The following DIAPH3 variants were observed in gnomAD, a reference collection of about 807,000 sequenced individuals.
The protein encoded by DIAPH3 is protein diaphanous homolog 3.
A neutral mutation model predicts 144.3 loss-of-function variants in DIAPH3; 117 were observed. The ratio of observed to expected loss-of-function variants is 0.81; its 90% CI spans 0.70 to 0.95. The LOEUF (loss-of-function observed/expected upper bound fraction) is 0.95. Among genes scored for constraint, DIAPH3 ranks in the 40% least tolerant of loss-of-function variants. The probability of loss-of-function intolerance (pLI) is 0.00; values close to 1 mark genes in which losing one functional copy is unlikely to be tolerated. For missense variants in DIAPH3, 1,421 were observed against 1,412.7 expected (o/e 1.01, Z -0.09); for synonymous variants, 519 against 488.9 (o/e 1.06, Z -0.81).
intron 27 of DIAPH3, among the ~76,000 whole-genome samples, chr13:59,709,822 A>G (rs2034635707): frequency 6.6e-6 from 1 of 152,198 alleles, no homozygotes. Context: ...ATTATTCACA[A>G]TAGCAAAGAC....
intron 20 of DIAPH3, among the ~76,000 whole-genome samples, chr13:59,890,599 T>A (rs2045727435): frequency 6.6e-6 from 1 of 151,668 alleles, no homozygotes; most frequent in African/African-American, 2.4e-5. Context: ...AAAAAAAAAA[T>A]CCTGTACCCA....
chr13:59,842,033 C>T (rs2042378760), intron 22 of DIAPH3, among the ~76,000 whole-genome samples: 1 of 151,814 alleles, frequency 6.6e-6, no homozygotes, highest in Admixed American at 6.6e-5. Context: ...TTTCATAACC[C>T]CTGTCAGTAA....
chr13:59,706,916 T>C (rs2034461949), intron 27 of DIAPH3, among the ~76,000 whole-genome samples: 1 of 152,220 alleles, frequency 6.6e-6, no homozygotes, highest in East Asian at 1.9e-4. Context: ...CAAAAATATG[T>C]TGCTATTTTA....
In DIAPH3 at chr13:60,112,061, A is replaced by G; in HGVS notation, c.339T>C (p.Phe113=). ...SAAPLEMMEN[F]PKPLSENELL... ...GTTCATTCTCTGACAGTGGCTTTGG[A>G]AAGTTCTCCATCATCTCTAAAGGTG... The change falls in exon 3 of 28, where the codon TTT becomes TTC. Residue 113 remains phenylalanine, a synonymous_variant. Transcript: ENST00000400324. 1 of 1,614,150 alleles carries G rather than the reference A, an allele frequency of 6.2e-7. No homozygotes were observed. Among genetic ancestry groups the G allele is most frequent in the Non-Finnish European group, 8.5e-7 (1 of 1,180,030 alleles).
At chr13:60,098,831 G>A (rs1303183931) in intron 3 of DIAPH3, among the ~76,000 whole-genome samples, 4 of 152,070 alleles carry the variant, frequency 2.6e-5, no homozygotes, top group Admixed American at 2.6e-4. Flanking sequence ...GCTGATATAT[G>A]TACGTATCTC....
chr13:60,120,060 T>C (rs1233933456), intron 2 of DIAPH3, among the ~76,000 whole-genome samples: 5 of 151,946 alleles, frequency 3.3e-5, no homozygotes, highest in Admixed American at 1.3e-4. Context: ...CCCAAGAAAA[T>C]AAGCCAAGTG....
chr13:59,826,454 C>G (rs2139675407), intron 24 of DIAPH3, among the ~76,000 whole-genome samples: 1 of 150,948 alleles, frequency 6.6e-6, no homozygotes, highest in Admixed American at 6.6e-5. Flanking sequence ...GAATAAAATG[C>G]CTAGGAATCC....
intron 4 of DIAPH3, 100 bp from the exon 5 acceptor site, chr13:60,042,920 T>C: frequency 7.4e-7 from 1 of 1,357,612 alleles, no homozygotes; most frequent in Non-Finnish European, 1.0e-6. Context: ...ATAACTACTA[T>C]AATTAACACT....
intron 27 of DIAPH3, among the ~76,000 whole-genome samples, chr13:59,731,623 TCAC>T (rs2035894438): frequency 1.3e-5 from 2 of 152,146 alleles, no homozygotes; most frequent in Non-Finnish European, 2.9e-5. Context: ...ATTACACTGA[TCAC>T]CACAGTTAAA....
chr13:59,861,371 T>C (rs769622732), intron 22 of DIAPH3, 36 bp downstream of exon 22: 1 of 1,613,442 alleles, frequency 6.2e-7, no homozygotes, highest in South Asian at 1.1e-5. Context: ...GCACTGAAGA[T>C]CAGAGCCATG....
chr13:59,941,807 A>T (rs887864218), intron 17 of DIAPH3, among the ~76,000 whole-genome samples: 1 of 152,124 alleles, frequency 6.6e-6, no homozygotes, highest in Non-Finnish European at 1.5e-5. Flanking sequence ...ACTAGCAGCA[A>T]ATATCATATT....
At chr13:59,780,473 C>T (rs1158625020) in intron 25 of DIAPH3, among the ~76,000 whole-genome samples, 1 of 152,102 alleles carries the variant, frequency 6.6e-6, no homozygotes, top group Non-Finnish European at 1.5e-5. Context: ...TCAATTTCTC[C>T]AGCTATAATT....
intron 1 of DIAPH3, among the ~76,000 whole-genome samples, chr13:60,155,669 T>G (rs1206064319): frequency 2.0e-5 from 3 of 152,174 alleles, no homozygotes; most frequent in African/African-American, 7.2e-5. Context: ...GTATCTCAAT[T>G]CTTGACAGTT....
At chr13:59,715,088 T>A (rs553525725) in intron 27 of DIAPH3, among the ~76,000 whole-genome samples, 1 of 152,278 alleles carries the variant, frequency 6.6e-6, no homozygotes, top group East Asian at 1.9e-4. Context: ...ATTTTCCCCA[T>A]TTATCTATCT....
intron 2 of DIAPH3, among the ~76,000 whole-genome samples, chr13:60,128,646 T>A (rs7326560): frequency 0.23 from 34,956 of 152,086 alleles, 5,237 homozygotes; most frequent in Admixed American, 0.37. Flanking sequence ...CAACTACATA[T>A]AATAAAGAAT....
At chr13:59,987,448 A>G (rs1207329736) in intron 12 of DIAPH3, among the ~76,000 whole-genome samples, 1 of 148,118 alleles carries the variant, frequency 6.8e-6, no homozygotes, top group Non-Finnish European at 1.5e-5. Flanking sequence ...CACAATGTGC[A>G]CATGTACCCT....
intron 20 of DIAPH3, among the ~76,000 whole-genome samples, chr13:59,894,099 C>A (rs2045960257): frequency 6.6e-6 from 1 of 152,028 alleles, no homozygotes; most frequent in African/African-American, 2.4e-5. Flanking sequence ...ATTTTGGGAG[C>A]ATTCAGATCA....
intron 27 of DIAPH3, among the ~76,000 whole-genome samples, chr13:59,758,722 A>C (rs1422388961): frequency 6.6e-6 from 1 of 152,102 alleles, no homozygotes; most frequent in Non-Finnish European, 1.5e-5. Context: ...AATGCAATAC[A>C]CAATGCCAAG....
At chr13:60,163,225 AAGC>A (rs1218417466) in intron 1 of DIAPH3, among the ~76,000 whole-genome samples, 1 of 152,200 alleles carries the variant, frequency 6.6e-6, no homozygotes, top group African/African-American at 2.4e-5. Flanking sequence ...TTAAAATAAT[AAGC>A]AGAAAAAAAA....
Sources: allele counts gnomAD v4.1 joint callset (sites outside exome capture counted in the v4.1 genomes callset), GRCh38; gene constraint gnomAD v4.1.1; transcripts MANE v1.5; gene names NCBI Gene and HGNC (gene_info 2026-07-23, HGNC 2026-07-21).